STIM1: variants seen among roughly 807,000 people sequenced by gnomAD.
STIM1 encodes the protein stromal interaction molecule 1.
In STIM1, 25 loss-of-function variants were observed where a neutral mutation model predicts 74.7. The observed-to-expected ratio is 0.33, with a 90% confidence interval of 0.24 to 0.47. The LOEUF (loss-of-function observed/expected upper bound fraction) is 0.47. Among genes scored for constraint, STIM1 ranks in the 20% least tolerant of loss-of-function variants. STIM1 has a pLI of 1.00. For missense variants in STIM1, 728 were observed against 920.8 expected (o/e 0.79, Z 2.71); for synonymous variants, 328 against 348.8 (o/e 0.94, Z 0.66).
intron 12 of STIM1, 61 bp from the exon 13 acceptor site, chr11:4,091,221 T>A: frequency 6.2e-7 from 1 of 1,610,698 alleles, no homozygotes; most frequent in Non-Finnish European, 8.5e-7. Context: ...CCTCTTCGCC[T>A]TTCCCCTATC....
rs1179975549 is a variant in STIM1, at chr11:4,083,341, C to T, written c.1317C>T (p.Phe439=). 3 of 1,614,246 alleles carry T rather than the reference C, an allele frequency of 1.9e-6. No homozygotes were observed. Among genetic ancestry groups the T allele is most frequent in the South Asian group, 1.1e-5 (1 of 91,082 alleles). ...RWQQIEILCG[F]QIVNNPGIHS... ...AACAGATCGAGATCCTCTGTGGCTT[C>T]CAGATTGTCAACAACCCTGGCATCC... is the stretch of plus-strand genomic sequence containing the variant. The change falls in exon 10 of 13, where the codon TTC becomes TTT. Residue 439 remains phenylalanine (F), a synonymous_variant. Transcript: ENST00000526596.
At chr11:3,972,163 T>G (rs1312990879) in intron 2 of STIM1, among the ~76,000 whole-genome samples, 1 of 152,222 alleles carries the variant, frequency 6.6e-6, no homozygotes, top group Non-Finnish European at 1.5e-5. Context: ...TTAGTAGAAG[T>G]CTGAAGGGGT....
In STIM1 at chr11:4,082,246, A is replaced by G; in HGVS notation, c.1032A>G (p.Pro344=). Residue 344 remains proline (P), a synonymous_variant, in exon 8 of 13, where the codon CCA becomes CCG. Coordinates refer to ENST00000526596, the MANE Select transcript of STIM1 (RefSeq NM_001382567.1). Reference sequence around the variant, plus strand: ...AATCTCACAGCTCATGGTATGCTCCAGAGGCCCTTCAGAAGTGGCTGCAGC... The same window carrying G: ...AATCTCACAGCTCATGGTATGCTCCGGAGGCCCTTCAGAAGTGGCTGCAGC... ...ELESHSSWYA[P]EALQKWLQLT... The G allele has an allele frequency of 6.2e-7, 1 of 1,614,110 alleles. No individual in the cohort carries two copies. The highest frequency in any genetic ancestry group is 8.5e-7 in the Non-Finnish European group (1 of 1,180,036).
intron 1 of STIM1, among the ~76,000 whole-genome samples, chr11:3,911,187 T>C (rs1395910925): frequency 6.6e-6 from 1 of 152,148 alleles, no homozygotes; most frequent in Admixed American, 6.5e-5. Flanking sequence ...ATCCTTCCAG[T>C]TGGCTGCCAG....
At chr11:3,959,541 GCTTGGTTCTTACCA>G (rs2093261764) in intron 1 of STIM1, among the ~76,000 whole-genome samples, 2 of 152,146 alleles carry the variant, frequency 1.3e-5, no homozygotes, top group Non-Finnish European at 2.9e-5. Context: ...AGTGAGTCAA[GCTTGGTTCTTACCA>G]CTTGGATGTG....
chr11:3,988,754 T>C (rs2093580983), intron 2 of STIM1, among the ~76,000 whole-genome samples: 1 of 152,220 alleles, frequency 6.6e-6, no homozygotes, highest in African/African-American at 2.4e-5. Context: ...ACAATTCTAC[T>C]AAAAAATAAC....
chr11:4,047,732 A>G (rs1590672230), intron 3 of STIM1, among the ~76,000 whole-genome samples: 1 of 152,002 alleles, frequency 6.6e-6, no homozygotes, highest in Non-Finnish European at 1.5e-5. Flanking sequence ...AGGCAGGAGG[A>G]TCTCTTGAGC....
At chr11:4,086,293 A>G (rs576144251) in intron 11 of STIM1, 184 bp from the exon 12 acceptor site, 3 of 650,862 alleles carry the variant, frequency 4.6e-6, no homozygotes, top group African/African-American at 1.8e-5. Flanking sequence ...TGGGCACTTC[A>G]TCTTCAATTT....
chr11:3,885,974 T>C (rs2091690953), intron 1 of STIM1, among the ~76,000 whole-genome samples: 1 of 152,180 alleles, frequency 6.6e-6, no homozygotes, highest in Admixed American at 6.5e-5. Context: ...AGCATGATCG[T>C]AGGCAAGGGC....
intron 1 of STIM1, among the ~76,000 whole-genome samples, chr11:3,960,116 A>G (rs771218171): frequency 1.3e-5 from 2 of 152,214 alleles, no homozygotes; most frequent in South Asian, 2.1e-4. Flanking sequence ...GGTTATCTCA[A>G]GGAAAGCACT....
chr11:3,937,492 C>T (rs1157851379), intron 1 of STIM1, among the ~76,000 whole-genome samples: 2 of 152,184 alleles, frequency 1.3e-5, no homozygotes, highest in East Asian at 1.9e-4. Flanking sequence ...GGCCTGCTAG[C>T]GGGCCCCATT....
intron 1 of STIM1, among the ~76,000 whole-genome samples, chr11:3,933,943 G>A (rs561664126): frequency 1.3e-5 from 2 of 152,272 alleles, no homozygotes; most frequent in South Asian, 2.1e-4. Context: ...TCTAAATTGC[G>A]TGGCTACTGA....
chr11:3,929,728 C>T (rs1319363301), intron 1 of STIM1, among the ~76,000 whole-genome samples: 2 of 152,154 alleles, frequency 1.3e-5, no homozygotes, highest in South Asian at 2.1e-4. Context: ...TACCGCTGAT[C>T]GCTTTGCTTT....
intron 1 of STIM1, among the ~76,000 whole-genome samples, chr11:3,859,058 G>A (rs919735427): frequency 6.6e-6 from 1 of 152,162 alleles, no homozygotes; most frequent in African/African-American, 2.4e-5. Flanking sequence ...GCCAAGAAAA[G>A]GGCTGTACTT....
At chr11:3,862,880 G>A (rs200688244) in intron 1 of STIM1, among the ~76,000 whole-genome samples, 80 of 146,202 alleles carry the variant, frequency 5.5e-4, no homozygotes, top group South Asian at 1.1e-3. Flanking sequence ...ACACACACAC[G>A]CACACACACA....
intron 3 of STIM1, among the ~76,000 whole-genome samples, chr11:4,035,484 A>T (rs1485294694): frequency 1.3e-5 from 2 of 151,414 alleles, no homozygotes; most frequent in Non-Finnish European, 2.9e-5. Context: ...TAGACCTTAG[A>T]TCCATCCGTT....
intron 2 of STIM1, among the ~76,000 whole-genome samples, chr11:4,001,051 A>G (rs868798971): frequency 6.6e-6 from 1 of 152,350 alleles, no homozygotes; most frequent in Middle Eastern, 3.4e-3. Flanking sequence ...GAATAAAAAG[A>G]AACGAACAAA....
intron 1 of STIM1, among the ~76,000 whole-genome samples, chr11:3,923,093 C>T (rs1179186285): frequency 8.3e-6 from 1 of 120,324 alleles, no homozygotes; most frequent in Non-Finnish European, 1.8e-5. Flanking sequence ...GAGCGAGACT[C>T]CGTCTCAAAA....
chr11:4,032,930 C>A (rs1425608656), intron 3 of STIM1, among the ~76,000 whole-genome samples: 1 of 152,122 alleles, frequency 6.6e-6, no homozygotes, highest in Non-Finnish European at 1.5e-5. Flanking sequence ...GAAGTCCTTG[C>A]CCATGCCTAT....
Sources: gnomAD v4.1 joint callset for allele counts (sites outside exome capture counted in the v4.1 genomes callset) on GRCh38, gnomAD v4.1.1 for gene constraint, MANE v1.5 for transcripts, NCBI Gene and HGNC (gene_info 2026-07-23, HGNC 2026-07-21) for gene names.